Variants in RASSF9 observed in about 807,000 individuals in gnomAD.
The protein encoded by RASSF9 is Ras association domain family member 9.
Under a neutral mutation model 21.4 loss-of-function variants are expected in RASSF9, and 18 were observed. That is an observed-to-expected ratio of 0.84 (90% CI 0.58 to 1.25). The LOEUF (loss-of-function observed/expected upper bound fraction) is 1.25. RASSF9 is among the 50% of genes most tolerant of loss of function. RASSF9 has a pLI of 0.00. For synonymous variants in RASSF9, 183 were observed against 179.1 expected, an observed-to-expected ratio of 1.02 and a Z score of -0.18; for missense variants, 480 against 503.2, an observed-to-expected ratio of 0.95 and a Z score of 0.44.
At chr12:85,809,668 AATGATGATGATGATGATGATG>A (rs112741704) in intron 1 of RASSF9, among the ~76,000 whole-genome samples, 29,170 of 139,176 alleles carry the variant, frequency 0.21, 3,231 homozygotes, top group African/African-American at 0.29. Flanking sequence ...GAATAGTAAT[AATGATGATGATGATGATGATG>A]ATGATGATGA....
chr12:85,803,251 G>A lies in RASSF9; in HGVS notation c.*1451C>T, dbSNP rs1879740955. 6.6e-6 allele frequency: 1 copy of A among 151,990 alleles called. No homozygotes were observed. Among genetic ancestry groups the A allele is most frequent in the African/African-American group, 2.4e-5 (1 of 41,418 alleles). 9.4% of individuals were successfully genotyped at this position (151,990 alleles called of 1,614,324 possible). On this transcript the variant is annotated 3_prime_UTR_variant, in exon 2 of 2. Coordinates refer to ENST00000361228, the MANE Select transcript of RASSF9 (RefSeq NM_005447.4). ...AAACCTGCACTAAAAGTATGCAAAA[G>A]AATAAAAGAGAAGAAATGAGAAGGA...
chr12:85,814,233 A>C (rs1880013569), intron 1 of RASSF9, among the ~76,000 whole-genome samples: 1 of 152,082 alleles, frequency 6.6e-6, no homozygotes, highest in South Asian at 2.1e-4. Flanking sequence ...AGTTTATCTC[A>C]GTGGTTCCCT....
intron 1 of RASSF9, among the ~76,000 whole-genome samples, chr12:85,831,798 C>T (rs1380892050): frequency 6.6e-6 from 1 of 151,890 alleles, no homozygotes; most frequent in Non-Finnish European, 1.5e-5. Context: ...GCAACTTTTA[C>T]CCTAACCACA....
intron 1 of RASSF9, among the ~76,000 whole-genome samples, chr12:85,807,632 C>A (rs1417481564): frequency 6.6e-6 from 1 of 151,836 alleles, no homozygotes; most frequent in Non-Finnish European, 1.5e-5. Context: ...GATAGATCCC[C>A]CCTACCCAGC....
At chr12:85,812,201 T>G (rs373761779) in intron 1 of RASSF9, among the ~76,000 whole-genome samples, 2 of 151,766 alleles carry the variant, frequency 1.3e-5, no homozygotes, top group African/African-American at 4.8e-5. Flanking sequence ...TACAACTATA[T>G]GTAGTATACA....
chr12:85,819,326 A>G (rs1188161058), intron 1 of RASSF9, among the ~76,000 whole-genome samples: 1 of 152,084 alleles, frequency 6.6e-6, no homozygotes, highest in Non-Finnish European at 1.5e-5. Flanking sequence ...GGCACGAGCC[A>G]CAGTGCCTGG....
chr12:85,828,244 C>T (rs918780735), intron 1 of RASSF9, among the ~76,000 whole-genome samples: 4 of 151,972 alleles, frequency 2.6e-5, no homozygotes, highest in African/African-American at 7.2e-5. Context: ...CTACTTAGAA[C>T]ATCATGTATA....
chr12:85,831,291 A>T (rs1880444049), intron 1 of RASSF9, among the ~76,000 whole-genome samples: 1 of 152,026 alleles, frequency 6.6e-6, no homozygotes, highest in Admixed American at 6.6e-5. Context: ...CAACGAACAC[A>T]TTATCTAAAT....
chr12:85,820,577 T>C (rs928409660), intron 1 of RASSF9, among the ~76,000 whole-genome samples: 1 of 151,442 alleles, frequency 6.6e-6, no homozygotes, highest in Non-Finnish European at 1.5e-5. Context: ...CCATATAAAA[T>C]GAAAAATGTC....
intron 1 of RASSF9, among the ~76,000 whole-genome samples, chr12:85,833,810 A>T (rs1298840132): frequency 6.6e-6 from 1 of 152,048 alleles, no homozygotes. Flanking sequence ...ATTGTACAAT[A>T]AATTTTATAT....
chr12:85,810,257 TC>T (rs1032869713), intron 1 of RASSF9, among the ~76,000 whole-genome samples: 4 of 151,996 alleles, frequency 2.6e-5, no homozygotes, highest in African/African-American at 9.7e-5. Flanking sequence ...GTTAAGCACC[TC>T]TTCTGTGGCT....
intron 1 of RASSF9, among the ~76,000 whole-genome samples, chr12:85,834,779 C>G (rs1880523843): frequency 1.3e-5 from 2 of 152,006 alleles, no homozygotes; most frequent in Non-Finnish European, 2.9e-5. Flanking sequence ...ATTTAAAAAA[C>G]AGAGTATTTT....
chr12:85,825,824 T>A (rs1289578336), intron 1 of RASSF9, among the ~76,000 whole-genome samples: 1 of 151,250 alleles, frequency 6.6e-6, no homozygotes, highest in Non-Finnish European at 1.5e-5. Context: ...ACCCTTACAG[T>A]CTAGTGGAAA....
Position 85,835,883 on chromosome 12 carries a change from A to C in RASSF9, c.47+272T>G, listed in dbSNP as rs545303690. Among the ~76,000 whole-genome samples the C allele has an allele frequency of 2.6e-3, 403 of 152,294 alleles. 2 individuals are homozygous for C. The highest frequency in any genetic ancestry group is 9.4e-3 in the African/African-American group (390 of 41,568). On this transcript the variant is annotated intron_variant, in intron 1 of 1. Coordinates refer to ENST00000361228, the MANE Select transcript of RASSF9 (RefSeq NM_005447.4). ...AGTTGTGGAAACAGGACTGGTCAAA[A>C]GGGGAGAAAGGAGTCAAATATAATC...
intron 1 of RASSF9, among the ~76,000 whole-genome samples, chr12:85,833,109 A>G (rs1382733456): frequency 6.6e-6 from 1 of 151,820 alleles, no homozygotes; most frequent in Non-Finnish European, 1.5e-5. Flanking sequence ...AAAAAAAATT[A>G]TGTAGTAGGA....
chr12:85,825,514 AT>A (rs1880314333), intron 1 of RASSF9, among the ~76,000 whole-genome samples: 1 of 152,170 alleles, frequency 6.6e-6, no homozygotes, highest in South Asian at 2.1e-4. Context: ...ACACAGCCAC[AT>A]CAATTTCATT....
chr12:85,832,624 A>G (rs1880475053), intron 1 of RASSF9, among the ~76,000 whole-genome samples: 1 of 151,912 alleles, frequency 6.6e-6, no homozygotes, highest in Non-Finnish European at 1.5e-5. Flanking sequence ...ATTATTTACT[A>G]CTTTAGCTTT....
chr12:85,808,100 A>G (rs946860735), intron 1 of RASSF9, among the ~76,000 whole-genome samples: 4 of 152,156 alleles, frequency 2.6e-5, no homozygotes, highest in Admixed American at 6.5e-5. Context: ...TAACATTTAG[A>G]ATTTATAGTG....
At position 85,805,873 on chromosome 12, in the gene RASSF9, C is replaced by G. The variant is rs943336682; in HGVS notation, c.137G>C (p.Arg46Pro). Reference sequence around the variant, plus strand: ...CTGGATGACATCAGCAGAGGTGGTGCGTTTAGTCAGCCCACAGACAAGCTT... The same window carrying G: ...CTGGATGACATCAGCAGAGGTGGTGGGTTTAGTCAGCCCACAGACAAGCTT... The part of the protein sequence containing the change: ...EEKLVCGLTK[R>P]TTSADVIQAL... Residue 46 changes from arginine to proline, a missense_variant, in exon 2 of 2, where the codon CGC becomes CCC. Coordinates refer to ENST00000361228, the MANE Select transcript of RASSF9 (RefSeq NM_005447.4). The G allele has an allele frequency of 6.2e-7, 1 of 1,613,930 alleles. No homozygotes were observed. The highest frequency in any genetic ancestry group is 8.5e-7 in the Non-Finnish European group (1 of 1,179,860).
Sources: gnomAD v4.1 joint callset for allele counts (sites outside exome capture counted in the v4.1 genomes callset) on GRCh38, gnomAD v4.1.1 for gene constraint, MANE v1.5 for transcripts, NCBI Gene and HGNC (gene_info 2026-07-23, HGNC 2026-07-21) for gene names.